MAGI3: variants seen among roughly 807,000 people sequenced by gnomAD.
The protein encoded by MAGI3 is membrane associated guanylate kinase, WW and PDZ domain containing 3.
Under a neutral mutation model 121.8 loss-of-function variants are expected in MAGI3, and 43 were observed. The observed-to-expected ratio is 0.35, with a 90% CI of 0.28 to 0.46. MAGI3 has a LOEUF of 0.46. MAGI3 is among the 20% of genes least tolerant of loss of function. The pLI is 1.00. For missense variants in MAGI3, 1,547 were observed against 1,797.3 expected (o/e 0.86, Z 2.52); for synonymous variants, 553 against 639.3 (o/e 0.86, Z 2.04).
chr1:113,643,690 T>G, intron 10 of MAGI3, 53 bp from the exon 11 acceptor site: 1 of 1,559,258 alleles, frequency 6.4e-7, no homozygotes. Context: ...GCAGTATTTG[T>G]GATCTGGGAA....
In MAGI3 at chr1:113,634,825, A is replaced by G. The variant is rs557356229; in HGVS notation, c.1361-7086A>G. On this transcript the variant is annotated intron_variant, in intron 9 of 20. Transcript: ENST00000307546. ...TTGAATCTATAAATTACCTTGGTCA[A>G]TATGGCCATTTTCACGATATTGATT... Among the ~76,000 whole-genome samples, 815 of 152,086 alleles carry G rather than the reference A, an allele frequency of 5.4e-3. 4 individuals are homozygous for G. The highest frequency in any genetic ancestry group is 0.019 in the African/African-American group (769 of 41,410).
chr1:113,534,585 T>C (rs541468746), intron 1 of MAGI3, among the ~76,000 whole-genome samples: 60 of 152,338 alleles, frequency 3.9e-4, no homozygotes, highest in Non-Finnish European at 7.6e-4. Flanking sequence ...ATGTACCTTG[T>C]ACATGCTTCT....
chr1:113,569,148 T>G (rs1456345921), intron 2 of MAGI3, among the ~76,000 whole-genome samples: 1 of 152,132 alleles, frequency 6.6e-6, no homozygotes, highest in Non-Finnish European at 1.5e-5. Context: ...GCTAATGTTT[T>G]TTATCATCAA....
intron 13 of MAGI3, 83 bp downstream of exon 13, chr1:113,649,411 GTT>G: frequency 1.1e-6 from 1 of 882,236 alleles, no homozygotes; most frequent in Non-Finnish European, 1.7e-6. Flanking sequence ...TGTGTTTTAA[GTT>G]TTTTTTTCTC....
At chr1:113,444,841 G>A (rs557291059) in intron 1 of MAGI3, among the ~76,000 whole-genome samples, 1 of 152,274 alleles carries the variant, frequency 6.6e-6, no homozygotes, top group South Asian at 2.1e-4. Context: ...GGAACTAAAG[G>A]AAGACGTGGG....
At chr1:113,472,678 GTA>G (rs747947055) in intron 1 of MAGI3, among the ~76,000 whole-genome samples, 2 of 150,200 alleles carry the variant, frequency 1.3e-5, no homozygotes, top group African/African-American at 2.5e-5. Context: ...GTGTGTGTGT[GTA>G]TGTGTGTGTG....
chr1:113,456,108 G>T (rs367672263), intron 1 of MAGI3, among the ~76,000 whole-genome samples: 46 of 145,506 alleles, frequency 3.2e-4, no homozygotes, highest in African/African-American at 1.1e-3. Context: ...CCGCCACCAC[G>T]CCCGGCTAAT....
At chr1:113,591,601 T>C (rs1648694620) in intron 5 of MAGI3, among the ~76,000 whole-genome samples, 1 of 152,158 alleles carries the variant, frequency 6.6e-6, no homozygotes, top group South Asian at 2.1e-4. Context: ...GCGTTCTTTT[T>C]ACTATAGATT....
intron 9 of MAGI3, among the ~76,000 whole-genome samples, chr1:113,641,211 G>A (rs2101822484): frequency 6.8e-6 from 1 of 146,212 alleles, no homozygotes; most frequent in East Asian, 2.0e-4. Flanking sequence ...CTGGCTATAG[G>A]GGCTATAGGA....
chr1:113,575,321 T>C (rs1037782340), intron 2 of MAGI3, among the ~76,000 whole-genome samples: 6 of 152,222 alleles, frequency 3.9e-5, no homozygotes, highest in Admixed American at 2.6e-4. Context: ...CTCATCTTTG[T>C]GGATTTATCT....
intron 12 of MAGI3, among the ~76,000 whole-genome samples, chr1:113,647,044 T>G (rs1337391306): frequency 6.6e-6 from 1 of 152,212 alleles, no homozygotes; most frequent in African/African-American, 2.4e-5. Flanking sequence ...GAAGGAATAT[T>G]CAGTTTTATC....
chr1:113,507,127 A>C (rs1220538222), intron 1 of MAGI3, among the ~76,000 whole-genome samples: 2 of 152,158 alleles, frequency 1.3e-5, no homozygotes, highest in Non-Finnish European at 2.9e-5. Flanking sequence ...AATAGAGCTA[A>C]GTAAAAAGTT....
intron 3 of MAGI3, among the ~76,000 whole-genome samples, chr1:113,584,145 G>T (rs1356999481): frequency 1.3e-5 from 2 of 151,920 alleles, no homozygotes; most frequent in Admixed American, 1.3e-4. Flanking sequence ...AGGAGCTAAG[G>T]AATTTGATTA....
rs565308484 is a variant in MAGI3 at position 113,555,468 on chromosome 1, C to T, written c.433+5837C>T. Reference sequence around the variant, plus strand: ...GAACAGTATTTTCAACCAGCTTGGCCGAGTTACTATTTATTAGAAGATGCC... The same window carrying T: ...GAACAGTATTTTCAACCAGCTTGGCTGAGTTACTATTTATTAGAAGATGCC... On this transcript the variant is annotated intron_variant, in intron 2 of 20. Coordinates refer to ENST00000307546, the MANE Select transcript of MAGI3 (RefSeq NM_001142782.2). Among the ~76,000 whole-genome samples the T allele has an allele frequency of 2.0e-5, 3 of 152,028 alleles. No homozygotes were observed. The South Asian group carries it at 6.2e-4, about 32-fold the overall frequency.
At chr1:113,456,953 C>T (rs1209218945) in intron 1 of MAGI3, among the ~76,000 whole-genome samples, 1 of 151,412 alleles carries the variant, frequency 6.6e-6, no homozygotes, top group Admixed American at 6.6e-5. Flanking sequence ...CATTTATTTG[C>T]AGGCCGATTG....
At position 113,493,669 on chromosome 1, in the gene MAGI3, G is replaced by A. The variant is rs140400376; in HGVS notation, c.317-55846G>A. 4.2e-3 allele frequency among the ~76,000 whole-genome samples: 644 copies of A among 151,564 alleles called. 2 individuals are homozygous for A. Among genetic ancestry groups the A allele is most frequent in the Admixed American group, 0.011 (175 of 15,226 alleles). ...ATATCTAGCATCTGTAATGAACTTC[G>A]ATTTACAAGAAAAAGCAACCCCATT... On this transcript the variant is annotated intron_variant, in intron 1 of 20. Transcript: ENST00000307546.
At chr1:113,529,485 GT>G (rs1397485279) in intron 1 of MAGI3, among the ~76,000 whole-genome samples, 1 of 152,148 alleles carries the variant, frequency 6.6e-6, no homozygotes, top group African/African-American at 2.4e-5. Context: ...TGCAGGCTCT[GT>G]CCTCATGATC....
At chr1:113,426,583 A>G (rs1352914839) in intron 1 of MAGI3, among the ~76,000 whole-genome samples, 1 of 152,180 alleles carries the variant, frequency 6.6e-6, no homozygotes, top group East Asian at 1.9e-4. Flanking sequence ...TATTTGGTAC[A>G]TGCACATTTA....
intron 1 of MAGI3, among the ~76,000 whole-genome samples, chr1:113,515,399 G>C (rs2101618805): frequency 6.6e-6 from 1 of 152,168 alleles, no homozygotes; most frequent in South Asian, 2.1e-4. Flanking sequence ...CTTCTCAAAT[G>C]TTTGTCTAAA....
Sources: allele counts gnomAD v4.1 joint callset (sites outside exome capture counted in the v4.1 genomes callset), GRCh38; gene constraint gnomAD v4.1.1; transcripts MANE v1.5; gene names NCBI Gene and HGNC (gene_info 2026-07-23, HGNC 2026-07-21).